Variants in CDC73 observed in about 807,000 individuals in gnomAD.
The protein encoded by CDC73 is cell division cycle 73.
A neutral mutation model predicts 83.7 loss-of-function variants in CDC73; 21 were observed. The ratio of observed to expected loss-of-function variants is 0.25; its 90% CI spans 0.18 to 0.36. The LOEUF is 0.36. Ranked by LOEUF, CDC73 falls within the 10% of genes least tolerant of loss-of-function variation. The pLI, the probability that CDC73 is intolerant of heterozygous loss-of-function variation, is 1.00. For synonymous variants in CDC73, 224 were observed against 212.9 expected (o/e 1.05, Z -0.45); for missense variants, 342 against 653.3 (o/e 0.52, Z 5.19).
At chr1:193,156,089 T>C (rs986409439) in intron 10 of CDC73, among the ~76,000 whole-genome samples, 3 of 152,208 alleles carry the variant, frequency 2.0e-5, no homozygotes, top group Non-Finnish European at 4.4e-5. Flanking sequence ...TGTCACTTGA[T>C]AAAGTTTATT....
At chr1:193,127,316 T>TGTGTGA (rs1675597178) in intron 2 of CDC73, among the ~76,000 whole-genome samples, 1 of 150,134 alleles carries the variant, frequency 6.7e-6, no homozygotes, top group Non-Finnish European at 1.5e-5. Flanking sequence ...TGTGTGTGTG[T>TGTGTGA]GATTATAGCA....
At chr1:193,160,733 T>C (rs1224461650) in intron 10 of CDC73, among the ~76,000 whole-genome samples, 2 of 152,116 alleles carry the variant, frequency 1.3e-5, no homozygotes, top group African/African-American at 4.8e-5. Context: ...CTCTTTATTA[T>C]TTTGAACAAA....
intron 11 of CDC73, among the ~76,000 whole-genome samples, chr1:193,207,612 G>C (rs1001977393): frequency 6.6e-6 from 1 of 152,102 alleles, no homozygotes; most frequent in Non-Finnish European, 1.5e-5. Flanking sequence ...CCCATTTTTA[G>C]GCTCTCTGCA....
intron 13 of CDC73, 121 bp downstream of exon 13, chr1:193,212,598 C>A: frequency 1.7e-6 from 1 of 585,404 alleles, no homozygotes; most frequent in Middle Eastern, 4.1e-4. Context: ...TGCTATAGGC[C>A]TTACACATAG....
intron 10 of CDC73, among the ~76,000 whole-genome samples, chr1:193,202,637 T>C (rs1677112299): frequency 6.7e-6 from 1 of 149,910 alleles, no homozygotes; most frequent in Admixed American, 6.7e-5. Flanking sequence ...TTTTTCCTTC[T>C]TGGAGTTTTT....
chr1:193,146,384 CAAG>C (rs1441771537), intron 7 of CDC73, among the ~76,000 whole-genome samples: 2 of 152,018 alleles, frequency 1.3e-5, no homozygotes, highest in African/African-American at 4.8e-5. Flanking sequence ...TTTATGAAGA[CAAG>C]AAATTTATTT....
At chr1:193,172,549 T>A (rs996826603) in intron 10 of CDC73, among the ~76,000 whole-genome samples, 11 of 152,190 alleles carry the variant, frequency 7.2e-5, no homozygotes, top group Non-Finnish European at 1.5e-4. Context: ...TCATCCCAGT[T>A]AACATAAATG....
Position 193,252,797 on chromosome 1 carries a change from G to C in CDC73, c.*2085G>C, listed in dbSNP as rs150030810. ...ACTCCCATTTATTCTCCCATGACAT[G>C]GTCCTATATAGCAGTACTTAACACA... On this transcript the variant is annotated 3_prime_UTR_variant, in exon 17 of 17. Coordinates refer to ENST00000367435, the MANE Select transcript of CDC73 (RefSeq NM_024529.5). 1.7e-3 allele frequency: 387 copies of C among 231,734 alleles called. 2 individuals carry two copies. The highest frequency in any genetic ancestry group is 6.6e-3 in the African/African-American group (300 of 45,326). 14.4% of individuals were successfully genotyped at this position (231,734 alleles called of 1,614,324 possible).
chr1:193,174,368 A>G (rs1676569049), intron 10 of CDC73, among the ~76,000 whole-genome samples: 1 of 152,030 alleles, frequency 6.6e-6, no homozygotes, highest in African/African-American at 2.4e-5. Context: ...CTTTCTTTAA[A>G]TATATGAATT....
At chr1:193,131,514 A>G (rs1675693316) in intron 3 of CDC73, among the ~76,000 whole-genome samples, 1 of 152,160 alleles carries the variant, frequency 6.6e-6, no homozygotes, top group Non-Finnish European at 1.5e-5. Flanking sequence ...GAAAAAGTAT[A>G]TAAACTTGAT....
At chr1:193,203,631 AT>A (rs1387379475) in intron 10 of CDC73, among the ~76,000 whole-genome samples, 163 bp from the exon 11 acceptor site, 2 of 152,066 alleles carry the variant, frequency 1.3e-5, no homozygotes, top group South Asian at 2.1e-4. Flanking sequence ...TTTCATTTTT[AT>A]TTTTTTCTTA....
chr1:193,166,651 CTTTT>C (rs1222917697), intron 10 of CDC73, among the ~76,000 whole-genome samples: 1 of 139,166 alleles, frequency 7.2e-6, no homozygotes. Flanking sequence ...CACTTTTTTT[CTTTT>C]TTTTTTTTTT....
chr1:193,214,992 G>A (rs1233033693), intron 13 of CDC73, among the ~76,000 whole-genome samples: 1 of 152,160 alleles, frequency 6.6e-6, no homozygotes, highest in Non-Finnish European at 1.5e-5. Flanking sequence ...AACCTTCTAG[G>A]AGCTCACATG....
rs114365210 is a variant in CDC73 at position 193,244,977 on chromosome 1, G to A, written c.1418-4753G>A. ...GCATAATGTGTAGTAGACAATGTATGTTAGATATATCTTTGATTATAATTT... is the reference window on the plus strand; with the variant it reads ...GCATAATGTGTAGTAGACAATGTATATTAGATATATCTTTGATTATAATTT... On this transcript the variant is annotated intron_variant, in intron 15 of 16. Transcript: ENST00000367435. Among the ~76,000 whole-genome samples, 1,153 of 152,238 alleles carry A rather than the reference G, an allele frequency of 7.6e-3. 16 individuals carry two copies. Among genetic ancestry groups the A allele is most frequent in the African/African-American group, 0.026 (1,094 of 41,536 alleles).
intron 15 of CDC73, among the ~76,000 whole-genome samples, chr1:193,239,418 T>A (rs899989510): frequency 3.3e-5 from 5 of 152,132 alleles, no homozygotes; most frequent in African/African-American, 1.2e-4. Context: ...GAAAATTATA[T>A]TATATTTTGT....
intron 11 of CDC73, among the ~76,000 whole-genome samples, chr1:193,206,588 A>G (rs1677192593): frequency 6.6e-6 from 1 of 152,208 alleles, no homozygotes; most frequent in Admixed American, 6.5e-5. Context: ...TGACATGTAC[A>G]CTAGTATTAT....
rs917985256 is a variant in CDC73 at position 193,228,563 on chromosome 1, A to G, written c.1155-4430A>G. Reference sequence around the variant, plus strand: ...TCGACAAAGACATCAATGCAATTCAATTAAGAAACAAATGCCTTAGCAATA... The same window carrying G: ...TCGACAAAGACATCAATGCAATTCAGTTAAGAAACAAATGCCTTAGCAATA... On this transcript the variant is annotated intron_variant, in intron 13 of 16. Coordinates refer to ENST00000367435, the MANE Select transcript of CDC73 (RefSeq NM_024529.5). 3.9e-5 allele frequency among the ~76,000 whole-genome samples: 6 copies of G among 152,340 alleles called. No individual in the cohort carries two copies. In the East Asian group the frequency reaches 1.2e-3, roughly 29 times the overall value.
Position 193,203,787 on chromosome 1 carries a change from T to C in CDC73, c.973-8T>C, listed in dbSNP as rs557096653. The stretch of plus-strand genomic sequence containing the variant: ...TGATCTTATATATCAATTCTTATTC[T>C]TTTAAAGGAGGGTGCATCTGCCCGG... On this transcript the variant is annotated splice_region_variant and splice_polypyrimidine_tract_variant and intron_variant, in intron 10 of 16. Transcript: ENST00000367435. 1 of 1,608,230 alleles carries C rather than the reference T, an allele frequency of 6.2e-7. No homozygotes were observed. The highest frequency in any genetic ancestry group is 1.7e-5 in the Admixed American group (1 of 60,016).
At chr1:193,204,568 C>G (rs1247085106) in intron 11 of CDC73, among the ~76,000 whole-genome samples, 3 of 152,016 alleles carry the variant, frequency 2.0e-5, no homozygotes, top group African/African-American at 7.2e-5. Context: ...GGATTACAGG[C>G]TTGAGCCACT....
Sources: gnomAD v4.1 joint callset for allele counts (sites outside exome capture counted in the v4.1 genomes callset) on GRCh38, gnomAD v4.1.1 for gene constraint, MANE v1.5 for transcripts, NCBI Gene and HGNC (gene_info 2026-07-23, HGNC 2026-07-21) for gene names.